Variants in PTPRM observed in about 807,000 individuals in gnomAD.
The protein encoded by PTPRM is protein tyrosine phosphatase receptor type M.
In PTPRM, 47 loss-of-function variants were observed where a neutral mutation model predicts 186.7. The ratio of observed to expected loss-of-function variants is 0.25; its 90% CI spans 0.20 to 0.32. The LOEUF (loss-of-function observed/expected upper bound fraction) is 0.32. Ranked by LOEUF, PTPRM falls within the 10% of genes least tolerant of loss-of-function variation. The pLI is 1.00. For missense variants in PTPRM, 1,494 were observed against 1,865.0 expected (o/e 0.80, Z 3.66); for synonymous variants, 668 against 674.9 (o/e 0.99, Z 0.16).
chr18:8,374,053 A>T (rs1336469631), intron 24 of PTPRM, among the ~76,000 whole-genome samples: 1 of 152,186 alleles, frequency 6.6e-6, no homozygotes, highest in African/African-American at 2.4e-5. Flanking sequence ...TCCAAAACAG[A>T]AAAAAGGAGA....
At chr18:7,718,626 A>G (rs951239044) in intron 1 of PTPRM, among the ~76,000 whole-genome samples, 6 of 152,206 alleles carry the variant, frequency 3.9e-5, no homozygotes, top group Non-Finnish European at 8.8e-5. Context: ...TAAACAGACA[A>G]CCCACAGAAT....
At chr18:8,098,936 C>G (rs2091147128) in intron 11 of PTPRM, among the ~76,000 whole-genome samples, 1 of 152,156 alleles carries the variant, frequency 6.6e-6, no homozygotes, top group Admixed American at 6.5e-5. Flanking sequence ...CAGACTTCCT[C>G]TAATGGGGAA....
chr18:7,965,193 G>T (rs1005754159), intron 7 of PTPRM, among the ~76,000 whole-genome samples: 8 of 151,984 alleles, frequency 5.3e-5, no homozygotes, highest in Non-Finnish European at 1.0e-4. Flanking sequence ...TTACAGGCAC[G>T]CGCCACCACG....
At chr18:8,085,559 G>T in intron 9 of PTPRM, 112 bp from the exon 10 acceptor site, 1 of 900,366 alleles carries the variant, frequency 1.1e-6, no homozygotes, top group Non-Finnish European at 1.7e-6. Context: ...GTCTGAGTAG[G>T]AGCTTATCAT....
At chr18:8,267,189 C>T (rs965095692) in intron 19 of PTPRM, among the ~76,000 whole-genome samples, 3 of 152,164 alleles carry the variant, frequency 2.0e-5, no homozygotes, top group African/African-American at 7.2e-5. Flanking sequence ...TTTTACTTGG[C>T]TGATTACTAA....
intron 11 of PTPRM, among the ~76,000 whole-genome samples, chr18:8,097,178 A>G (rs953876211): frequency 6.6e-6 from 1 of 152,206 alleles, no homozygotes; most frequent in African/African-American, 2.4e-5. Context: ...TATTTCCTTA[A>G]TAACTATTTT....
chr18:7,822,302 C>A (rs1263010727), intron 2 of PTPRM, among the ~76,000 whole-genome samples: 3 of 152,198 alleles, frequency 2.0e-5, no homozygotes, highest in Non-Finnish European at 4.4e-5. Context: ...AATATACTTA[C>A]CTCCCCTTGT....
rs184470471 is a variant in PTPRM at position 8,210,512 on chromosome 18, C to T, written c.2301-33546C>T. On this transcript the variant is annotated intron_variant, in intron 14 of 32. Transcript: ENST00000580170. ...TTCAGAGAGGGCATGGCTCTACCTG[C>T]ATCTGGATTTTGGGTTTCTGGGCTC... is the stretch of plus-strand genomic sequence containing the variant. Among the ~76,000 whole-genome samples, 20 of 152,278 alleles carry T rather than the reference C, an allele frequency of 1.3e-4. No homozygotes were observed. The East Asian group carries it at 3.7e-3, about 28-fold the overall frequency.
chr18:8,031,379 T>G (rs989491494), intron 7 of PTPRM, among the ~76,000 whole-genome samples: 1 of 152,148 alleles, frequency 6.6e-6, no homozygotes, highest in Non-Finnish European at 1.5e-5. Flanking sequence ...AGGTGTCAAG[T>G]TTGATAGGGA....
At position 8,379,355 on chromosome 18, in the gene PTPRM, T is replaced by C. The variant is rs1370189613; in HGVS notation, c.3786+15T>C. The C allele has an allele frequency of 6.3e-7, 1 of 1,594,924 alleles. No individual in the cohort carries two copies. The highest frequency in any genetic ancestry group is 1.7e-5 in the Admixed American group (1 of 59,234). Reference sequence around the variant, plus strand: ...CCCTCATGGACGTGAGTGCCCCGCTTCCCGCACGGGTCCGAGGCTGGGGTG... The same window carrying C: ...CCCTCATGGACGTGAGTGCCCCGCTCCCCGCACGGGTCCGAGGCTGGGGTG... On this transcript the variant is annotated intron_variant, in intron 28 of 32. Coordinates refer to ENST00000580170, the MANE Select transcript of PTPRM (RefSeq NM_001105244.2).
At chr18:7,963,987 T>G (rs1433233636) in intron 7 of PTPRM, among the ~76,000 whole-genome samples, 1 of 152,188 alleles carries the variant, frequency 6.6e-6, no homozygotes, top group Non-Finnish European at 1.5e-5. Flanking sequence ...GAACAATTCT[T>G]AAAGAGACCC....
At chr18:8,132,443 G>A (rs903636489) in intron 13 of PTPRM, among the ~76,000 whole-genome samples, 2 of 152,092 alleles carry the variant, frequency 1.3e-5, no homozygotes, top group Non-Finnish European at 2.9e-5. Flanking sequence ...AACAAAGTCC[G>A]AAAATGCTCC....
intron 4 of PTPRM, among the ~76,000 whole-genome samples, chr18:7,919,560 T>C (rs896838246): frequency 1.3e-5 from 2 of 152,170 alleles, no homozygotes; most frequent in Admixed American, 6.5e-5. Context: ...TTTTATTCCA[T>C]TGAGGTCAGA....
intron 19 of PTPRM, among the ~76,000 whole-genome samples, chr18:8,265,157 T>C (rs1273770039): frequency 2.0e-5 from 3 of 152,230 alleles, no homozygotes; most frequent in Admixed American, 1.3e-4. Flanking sequence ...TGGGGCCCCG[T>C]TGACAGCGCC....
intron 4 of PTPRM, among the ~76,000 whole-genome samples, chr18:7,921,963 AG>A (rs2050891139): frequency 6.6e-6 from 1 of 152,142 alleles, no homozygotes; most frequent in Admixed American, 6.5e-5. Context: ...TTTGCATTGA[AG>A]GGTTGGTTAT....
At chr18:7,621,296 AT>A (rs1423547861) in intron 1 of PTPRM, among the ~76,000 whole-genome samples, 4 of 152,210 alleles carry the variant, frequency 2.6e-5, no homozygotes. Context: ...ACTCTGTTAA[AT>A]TAAGACTAAA....
chr18:7,855,008 A>G (rs1049900185), intron 2 of PTPRM, among the ~76,000 whole-genome samples: 9 of 152,198 alleles, frequency 5.9e-5, no homozygotes, highest in African/African-American at 2.2e-4. Context: ...CCCCAGGCAG[A>G]TAAACATTTT....
At chr18:7,609,118 A>G (rs908511721) in intron 1 of PTPRM, among the ~76,000 whole-genome samples, 6 of 152,162 alleles carry the variant, frequency 3.9e-5, no homozygotes, top group African/African-American at 1.4e-4. Flanking sequence ...CCTAGTGTAT[A>G]CTTTCTAGCT....
At chr18:7,885,316 C>T (rs2048728949) in intron 2 of PTPRM, among the ~76,000 whole-genome samples, 1 of 152,104 alleles carries the variant, frequency 6.6e-6, no homozygotes, top group Admixed American at 6.5e-5. Context: ...CTTCACAGTT[C>T]TTCACCCGTT....
Sources: gnomAD v4.1 joint callset for allele counts (sites outside exome capture counted in the v4.1 genomes callset) on GRCh38, gnomAD v4.1.1 for gene constraint, MANE v1.5 for transcripts, NCBI Gene and HGNC (gene_info 2026-07-23, HGNC 2026-07-21) for gene names.